Variants in ATXN7L1 observed in about 807,000 individuals in gnomAD.
ATXN7L1 encodes the protein ataxin-7-like protein 1.
In ATXN7L1, 15 loss-of-function variants were observed where a neutral mutation model predicts 70.8. The ratio of observed to expected loss-of-function variants is 0.21; its 90% CI spans 0.14 to 0.33. The LOEUF (loss-of-function observed/expected upper bound fraction) is 0.33, where lower values mean the gene tolerates loss of function less well. Ranked by LOEUF, ATXN7L1 falls within the 10% of genes least tolerant of loss-of-function variation. The probability of loss-of-function intolerance (pLI) is 1.00; values close to 1 mark genes in which losing one functional copy is unlikely to be tolerated. For missense variants in ATXN7L1, 975 were observed against 1,097.1 expected, an observed-to-expected ratio of 0.89 and a Z score of 1.57; for synonymous variants, 440 against 445.1, an observed-to-expected ratio of 0.99 and a Z score of 0.14.
chr7:105,840,201 A>G (rs1309371401), intron 2 of ATXN7L1, among the ~76,000 whole-genome samples: 2 of 152,232 alleles, frequency 1.3e-5, no homozygotes, highest in African/African-American at 4.8e-5. Flanking sequence ...GCATGAGTGT[A>G]GGAGCAGAGT....
chr7:105,669,593 G>T (rs1803201333), intron 3 of ATXN7L1, among the ~76,000 whole-genome samples: 1 of 152,142 alleles, frequency 6.6e-6, no homozygotes, highest in South Asian at 2.1e-4. Flanking sequence ...ATGGGAACAA[G>T]CTTGTCCCCT....
At chr7:105,729,899 A>G (rs1268736446) in intron 3 of ATXN7L1, among the ~76,000 whole-genome samples, 2 of 151,840 alleles carry the variant, frequency 1.3e-5, no homozygotes, top group Non-Finnish European at 2.9e-5. Context: ...CACCACGCCC[A>G]GCTAATTTTT....
chr7:105,667,024 G>C (rs1348189698), intron 3 of ATXN7L1, among the ~76,000 whole-genome samples: 1 of 152,218 alleles, frequency 6.6e-6, no homozygotes, highest in Non-Finnish European at 1.5e-5. Context: ...ACTTACACCT[G>C]TTCCTTCCCT....
At chr7:105,746,063 T>C (rs546344171) in intron 3 of ATXN7L1, among the ~76,000 whole-genome samples, 1 of 152,194 alleles carries the variant, frequency 6.6e-6, no homozygotes, top group African/African-American at 2.4e-5. Flanking sequence ...TCTAACCTCC[T>C]GTTGTTCTCT....
intron 7 of ATXN7L1, among the ~76,000 whole-genome samples, chr7:105,637,140 G>A (rs1312364054): frequency 2.0e-5 from 3 of 152,176 alleles, no homozygotes; most frequent in Non-Finnish European, 1.5e-5. Context: ...GTTGGGGATG[G>A]CAATTCCATC....
intron 2 of ATXN7L1, among the ~76,000 whole-genome samples, chr7:105,813,662 C>T (rs1029920641): frequency 2.6e-5 from 4 of 152,174 alleles, no homozygotes; most frequent in Non-Finnish European, 5.9e-5. Flanking sequence ...TAATAATGCA[C>T]ACTAGACTCT....
At position 105,671,281 on chromosome 7, in the gene ATXN7L1, C is replaced by CAA. The variant is rs34689804; in HGVS notation, c.356-5995_356-5994dup. 8.7e-3 allele frequency among the ~76,000 whole-genome samples: 1,125 copies of CAA among 129,812 alleles called. 7 individuals are homozygous for CAA. The highest frequency in any genetic ancestry group is 0.02 in the African/African-American group (709 of 34,800). 85.2% of individuals were successfully genotyped at this position (129,812 alleles called of 152,430 possible). Reference sequence around the variant, plus strand: ...CTGACAACAGAGTGAGACTCCGTCTCAAAAAAAAAAAAAAAATTTATTTAA... The same window carrying CAA: ...CTGACAACAGAGTGAGACTCCGTCTCAAAAAAAAAAAAAAAAAATTTATTTAA... On this transcript the variant is annotated intron_variant, in intron 3 of 11. Coordinates refer to ENST00000419735, the MANE Select transcript of ATXN7L1 (RefSeq NM_020725.2).
At chr7:105,634,298 C>T (rs1339243008) in intron 7 of ATXN7L1, among the ~76,000 whole-genome samples, 1 of 152,200 alleles carries the variant, frequency 6.6e-6, no homozygotes, top group African/African-American at 2.4e-5. Context: ...TCCAGTTCAA[C>T]TCAGGGAAAT....
chr7:105,869,556 G>A (rs1817944173), intron 2 of ATXN7L1, among the ~76,000 whole-genome samples: 1 of 152,180 alleles, frequency 6.6e-6, no homozygotes, highest in African/African-American at 2.4e-5. Context: ...AGCCTGAGCT[G>A]AACATGCTCC....
chr7:105,860,320 A>C (rs1248759629), intron 2 of ATXN7L1, among the ~76,000 whole-genome samples: 1 of 151,956 alleles, frequency 6.6e-6, no homozygotes, highest in Non-Finnish European at 1.5e-5. Flanking sequence ...CTGAATATTA[A>C]ATGAAAAACT....
chr7:105,719,508 T>C (rs1456623251), intron 3 of ATXN7L1, among the ~76,000 whole-genome samples: 1 of 152,170 alleles, frequency 6.6e-6, no homozygotes, highest in Admixed American at 6.5e-5. Context: ...CTTGGTTCAC[T>C]GGGTTGAGAT....
At chr7:105,809,968 C>T (rs1237756408) in intron 2 of ATXN7L1, among the ~76,000 whole-genome samples, 2 of 152,174 alleles carry the variant, frequency 1.3e-5, no homozygotes, top group South Asian at 2.1e-4. Flanking sequence ...GACGAGGTCT[C>T]ACTATGTTGC....
At chr7:105,852,643 G>A (rs1815045324) in intron 2 of ATXN7L1, among the ~76,000 whole-genome samples, 1 of 151,812 alleles carries the variant, frequency 6.6e-6, no homozygotes, top group African/African-American at 2.4e-5. Flanking sequence ...CTGATGGAGA[G>A]GTGCACCTCG....
intron 7 of ATXN7L1, among the ~76,000 whole-genome samples, chr7:105,630,310 C>T (rs1316978086): frequency 6.6e-6 from 1 of 152,096 alleles, no homozygotes; most frequent in Non-Finnish European, 1.5e-5. Flanking sequence ...ATAAAAAAGG[C>T]ATTAGCTTTA....
intron 2 of ATXN7L1, among the ~76,000 whole-genome samples, chr7:105,863,259 C>T (rs908594122): frequency 3.3e-5 from 5 of 152,228 alleles, no homozygotes; most frequent in Admixed American, 1.3e-4. Flanking sequence ...CTGTGATTTC[C>T]CTGAGGCCAG....
chr7:105,737,803 G>T (rs896695331), intron 3 of ATXN7L1, among the ~76,000 whole-genome samples: 3 of 152,222 alleles, frequency 2.0e-5, no homozygotes, highest in Non-Finnish European at 4.4e-5. Flanking sequence ...CCTGCTCAAA[G>T]CTCGTAAGCG....
chr7:105,619,840 A>T (rs906655667), intron 9 of ATXN7L1, among the ~76,000 whole-genome samples: 1 of 152,060 alleles, frequency 6.6e-6, no homozygotes, highest in African/African-American at 2.4e-5. Flanking sequence ...TACAGGCGTG[A>T]ATCACTGCAC....
chr7:105,858,196 A>G (rs1816022511), intron 2 of ATXN7L1, among the ~76,000 whole-genome samples: 1 of 152,214 alleles, frequency 6.6e-6, no homozygotes, highest in African/African-American at 2.4e-5. Context: ...ATGCCACTGC[A>G]CTTCAGCCTG....
At chr7:105,841,745 A>T (rs1461848222) in intron 2 of ATXN7L1, among the ~76,000 whole-genome samples, 4 of 152,134 alleles carry the variant, frequency 2.6e-5, no homozygotes, top group African/African-American at 9.7e-5. Flanking sequence ...TATTATTGTT[A>T]ATCTCTTACT....
Sources: gnomAD v4.1 joint callset for allele counts (sites outside exome capture counted in the v4.1 genomes callset) on GRCh38, gnomAD v4.1.1 for gene constraint, MANE v1.5 for transcripts, NCBI Gene and HGNC (gene_info 2026-07-23, HGNC 2026-07-21) for gene names.